The following LRRC8C variants were observed in gnomAD, a reference collection of about 807,000 sequenced individuals.
LRRC8C encodes the protein volume-regulated anion channel subunit LRRC8C.
LRRC8C carries 20 observed loss-of-function variants against 55.3 expected under a neutral mutation model. The ratio of observed to expected loss-of-function variants is 0.36; its 90% CI spans 0.25 to 0.53. The LOEUF (loss-of-function observed/expected upper bound fraction) is 0.53. Among genes scored for constraint, LRRC8C ranks in the 20% least tolerant of loss-of-function variants. The pLI is 0.92. For synonymous variants in LRRC8C, 376 were observed against 360.7 expected (o/e 1.04, Z -0.48); for missense variants, 659 against 951.4 (o/e 0.69, Z 4.04).
chr1:89,674,488 A>G (rs995030152), intron 1 of LRRC8C, among the ~76,000 whole-genome samples: 1 of 152,182 alleles, frequency 6.6e-6, no homozygotes, highest in Non-Finnish European at 1.5e-5. Context: ...CCCAGCAATT[A>G]TTTCTCCTTT....
chr1:89,705,190 G>A (rs1361552784), intron 2 of LRRC8C, among the ~76,000 whole-genome samples: 30 of 145,272 alleles, frequency 2.1e-4, no homozygotes, highest in Admixed American at 3.6e-4. Flanking sequence ...ACCAAACACC[G>A]CATATTCTCA....
chr1:89,650,631 A>G (rs1656737460), intron 1 of LRRC8C, among the ~76,000 whole-genome samples: 1 of 152,236 alleles, frequency 6.6e-6, no homozygotes, highest in African/African-American at 2.4e-5. Flanking sequence ...GAAACAATGT[A>G]CACTTGCTTA....
At chr1:89,654,573 C>T (rs1656888234) in intron 1 of LRRC8C, among the ~76,000 whole-genome samples, 1 of 152,120 alleles carries the variant, frequency 6.6e-6, no homozygotes, top group African/African-American at 2.4e-5. Context: ...CTGTGTCCTT[C>T]TATGTCTGAA....
chr1:89,685,226 C>T (rs1295726956), intron 1 of LRRC8C, among the ~76,000 whole-genome samples: 3 of 145,324 alleles, frequency 2.1e-5, no homozygotes, highest in East Asian at 4.2e-4. Context: ...TCACGCCATT[C>T]TCCTGCCTCA....
intron 1 of LRRC8C, among the ~76,000 whole-genome samples, chr1:89,660,710 TCCTAGTGGAGCAAAAGAA>T (rs1657095414): frequency 6.6e-6 from 1 of 152,176 alleles, no homozygotes; most frequent in Non-Finnish European, 1.5e-5. Context: ...CATCTTAAGC[TCCTAGTGGAGCAAAAGAA>T]CCTTTCTCAT....
At chr1:89,647,316 A>T (rs1468250451) in intron 1 of LRRC8C, among the ~76,000 whole-genome samples, 1 of 152,226 alleles carries the variant, frequency 6.6e-6, no homozygotes, top group East Asian at 1.9e-4. Context: ...TAGGAACATG[A>T]TCTTAAAGGA....
At chr1:89,692,841 T>G (rs1167067691) in intron 2 of LRRC8C, among the ~76,000 whole-genome samples, 5 of 152,152 alleles carry the variant, frequency 3.3e-5, no homozygotes, top group Admixed American at 3.3e-4. Flanking sequence ...ATAGACCATA[T>G]CCTGAAAGGT....
intron 1 of LRRC8C, among the ~76,000 whole-genome samples, chr1:89,645,971 A>C (rs1303876911): frequency 6.6e-6 from 1 of 151,966 alleles, no homozygotes; most frequent in African/African-American, 2.4e-5. Flanking sequence ...ATAGATAGAT[A>C]GATAGATAGA....
intron 1 of LRRC8C, chr1:89,661,352 C>G: frequency 2.9e-6 from 1 of 345,396 alleles, no homozygotes; most frequent in East Asian, 8.0e-5. Flanking sequence ...TGAACAATGC[C>G]AGACACGAGA....
the LRRC8C span, among the ~76,000 whole-genome samples, chr1:89,617,944 A>G: frequency 2.1e-4 from 32 of 152,204 alleles, no homozygotes; most frequent in South Asian, 6.5e-3. Context: ...CACCCCATGG[A>G]CCCAACGCAC....
At position 89,673,576 on chromosome 1, in the gene LRRC8C, T is replaced by C. The variant is rs989956059; in HGVS notation, c.-4-12894T>C. Among the ~76,000 whole-genome samples, 11 of 152,216 alleles carry C rather than the reference T, an allele frequency of 7.2e-5. 1 individual carries two copies. The highest frequency in any genetic ancestry group is 2.7e-4 in the African/African-American group (11 of 41,448). On this transcript the variant is annotated intron_variant, in intron 1 of 2. Transcript: ENST00000370454. ...GCTTTATATTTCTTCCTCTACTTTT[T>C]TTTCTGACATAGGATGCAAATTAAT...
intron 2 of LRRC8C, among the ~76,000 whole-genome samples, chr1:89,693,858 T>C (rs1658096513): frequency 6.6e-6 from 1 of 151,690 alleles, no homozygotes; most frequent in African/African-American, 2.4e-5. Context: ...AGTTTAACCA[T>C]TTTGGCCAGG....
At chr1:89,681,813 A>G (rs1470309418) in intron 1 of LRRC8C, among the ~76,000 whole-genome samples, 1 of 152,174 alleles carries the variant, frequency 6.6e-6, no homozygotes, top group African/African-American at 2.4e-5. Context: ...AACCATATCA[A>G]TCTGTATATA....
chr1:89,710,464 G>A (rs1278137239), intron 2 of LRRC8C, among the ~76,000 whole-genome samples: 1 of 152,180 alleles, frequency 6.6e-6, no homozygotes, highest in Non-Finnish European at 1.5e-5. Context: ...CATATTGATT[G>A]ATGTGGATAT....
intron 1 of LRRC8C, among the ~76,000 whole-genome samples, chr1:89,647,510 A>C (rs1421508031): frequency 6.6e-6 from 1 of 152,212 alleles, no homozygotes; most frequent in East Asian, 1.9e-4. Context: ...ATTTTGAAAT[A>C]CTAAAAAGCA....
At chr1:89,670,565 G>A (rs867208734) in intron 1 of LRRC8C, among the ~76,000 whole-genome samples, 50 of 152,148 alleles carry the variant, frequency 3.3e-4, no homozygotes, top group Non-Finnish European at 5.6e-4. Context: ...TCCCACTGAA[G>A]ATTGGAAAAG....
At chr1:89,630,601 CCT>C (rs544601470), upstream of LRRC8C, among the ~76,000 whole-genome samples, 2 of 152,168 alleles carry the variant, frequency 1.3e-5, no homozygotes, top group Non-Finnish European at 2.9e-5. Flanking sequence ...CTCACAGTAC[CCT>C]CTCCTTCCTG....
At chr1:89,676,135 T>G (rs1049686537) in intron 1 of LRRC8C, 12 of 152,238 alleles carry the variant, frequency 7.9e-5, no homozygotes, top group Admixed American at 6.5e-4. Context: ...TCTTTTAAGA[T>G]CTCAGTGAGA....
At chr1:89,634,747 A>T (rs1354606793) in intron 1 of LRRC8C, among the ~76,000 whole-genome samples, 1 of 152,226 alleles carries the variant, frequency 6.6e-6, no homozygotes, top group Non-Finnish European at 1.5e-5. Context: ...ACAAACATTA[A>T]ATGTATACAG....
Sources: gnomAD v4.1 joint callset for allele counts (sites outside exome capture counted in the v4.1 genomes callset) on GRCh38, gnomAD v4.1.1 for gene constraint, MANE v1.5 for transcripts, NCBI Gene and HGNC (gene_info 2026-07-23, HGNC 2026-07-21) for gene names.